Variants in LCN8 observed in about 807,000 individuals in gnomAD.
LCN8 encodes the protein epididymal-specific lipocalin-8.
In LCN8, 16 loss-of-function variants were observed where a neutral mutation model predicts 22.8. The ratio of observed to expected loss-of-function variants is 0.70; its 90% confidence interval spans 0.47 to 1.06. The LOEUF (loss-of-function observed/expected upper bound fraction) is 1.06. Ranked by LOEUF, LCN8 falls within the 50% of genes least tolerant of loss-of-function variation. LCN8 has a pLI of 0.00. For missense variants in LCN8, 189 were observed against 203.3 expected, an observed-to-expected ratio of 0.93 and a Z score of 0.43; for synonymous variants, 92 against 83.4, an observed-to-expected ratio of 1.10 and a Z score of -0.56.
chr9:136,757,817 G>T, intron 1 of LCN8, 90 bp downstream of exon 1: 2 of 1,608,750 alleles, frequency 1.2e-6, no homozygotes, highest in Non-Finnish European at 1.7e-6. Flanking sequence ...GCGTCCCCAC[G>T]AGCTCCCCAC....
chr9:136,757,605 T>TG, intron 1 of LCN8: 1 of 1,401,832 alleles, frequency 7.1e-7, no homozygotes, highest in South Asian at 1.6e-5. Context: ...CGCCAGAGGA[T>TG]GGGCCTCCTG....
Position 136,755,055 on chromosome 9 carries a change from C to T in LCN8, c.447+80G>A, listed in dbSNP as rs186034013. The T allele has an allele frequency of 8.4e-4, 1,216 of 1,447,638 alleles. 1 individual carries two copies. Among genetic ancestry groups the T allele is most frequent in the Admixed American group, 1.1e-3 (40 of 35,036 alleles). The allele number at this position is 1,447,638 out of a possible 1,614,324, so 89.7% of individuals were successfully genotyped here. A position where few individuals can be genotyped will look rare whatever the true frequency, so the allele number is the denominator to read the frequency against. ...AGCCCAGGGCCGGGAGGCGGAGCCA[C>T]GGGGGCTCCTGACAGGGCCAGGGAC... On this transcript the variant is annotated intron_variant, in intron 6 of 6. Transcript: ENST00000371688.
Position 136,755,160 on chromosome 9 carries a change from C to G in LCN8, c.422G>C (p.Gly141Ala). Residue 141 changes from glycine (G) to alanine (A), a missense_variant and splice_region_variant, in exon 6 of 7, where the codon GGG (glycine) becomes GCG (alanine). Coordinates refer to ENST00000371688, the MANE Select transcript of LCN8 (RefSeq NM_178469.4). ...DTGLYLAARP[G>A]RCAELLKEEL... is the part of the protein sequence containing the mutation. The stretch of plus-strand genomic sequence containing the variant: ...CTCCTTCAGGAGCTCGGCACACCGC[C>G]CTGCAGGATAGGCCAGCATGAGGAG... The G allele has an allele frequency of 6.3e-7, 1 of 1,597,450 alleles. No homozygotes were observed. Among genetic ancestry groups the G allele is most frequent in the Non-Finnish European group, 8.5e-7 (1 of 1,171,238 alleles).
At chr9:136,757,678 G>T in intron 1 of LCN8, 1 of 1,436,682 alleles carries the variant, frequency 7.0e-7, no homozygotes, top group Non-Finnish European at 9.1e-7. Context: ...TACCATTTTC[G>T]GGAGGAAAGA....
intron 1 of LCN8, chr9:136,757,502 A>G (rs2811736): frequency 0.8 from 1,077,284 of 1,346,518 alleles, 433,449 homozygotes; most frequent in East Asian, 0.87. Context: ...CCAGGAGCAG[A>G]GGCCTGGAAA....
upstream of LCN8, chr9:136,758,490 G>A (rs933167371): frequency 7.7e-5 from 76 of 991,938 alleles, no homozygotes; most frequent in Non-Finnish European, 8.5e-5. Flanking sequence ...GAGGCACAGC[G>A]CCAGCGACCA....
chr9:136,755,634 G>A (rs1847167241), intron 3 of LCN8, 118 bp from the exon 4 acceptor site: 1 of 1,523,030 alleles, frequency 6.6e-7, no homozygotes, highest in African/African-American at 1.4e-5. Context: ...TTGAGTGGTT[G>A]GAGACACTAC....
upstream of LCN8, chr9:136,758,293 C>G: frequency 1.7e-6 from 2 of 1,186,100 alleles, no homozygotes; most frequent in Non-Finnish European, 2.1e-6. Flanking sequence ...ACCCACACCA[C>G]CTGGGGCTCG....
At chr9:136,756,127 C>CACGGGGAACA (rs1847187389) in intron 3 of LCN8, 1 of 1,054,906 alleles carries the variant, frequency 9.5e-7, no homozygotes, top group African/African-American at 2.3e-5. Flanking sequence ...TGGGGAACAG[C>CACGGGGAACA]GCAGGGAACA....
At chr9:136,757,832 G>A in intron 1 of LCN8, 75 bp downstream of exon 1, 1 of 1,612,478 alleles carries the variant, frequency 6.2e-7, no homozygotes, top group South Asian at 1.1e-5. Context: ...CCCCACACCG[G>A]GAGAGGCCTC....
intron 3 of LCN8, chr9:136,756,213 T>TGGGGAACAGCGCAGGGAACAGCAA (rs1847192984): frequency 9.5e-7 from 1 of 1,056,572 alleles, no homozygotes; most frequent in African/African-American, 2.1e-5. Context: ...GGGAACAGCA[T>TGGGGAACAGCGCAGGGAACAGCAA]GGGGAACAGT....
chr9:136,757,507 T>C (rs12004931), intron 1 of LCN8: 182,454 of 1,344,606 alleles, frequency 0.14, 12,704 homozygotes, highest in Admixed American at 0.18. Flanking sequence ...AGCAGAGGCC[T>C]GGAAAAGAAA....
At position 136,755,425 on chromosome 9, in the gene LCN8, G is replaced by T; in HGVS notation, c.318C>A (p.Val106=). Residue 106 remains valine, a synonymous_variant, in exon 4 of 7, where the codon GTC becomes GTA. Transcript: ENST00000371688. ...SLMWRGRNFR[V]LKYFTRSLED... The stretch of plus-strand genomic sequence containing the variant: ...GGCCAAGCTTACTAAAGTACTTGAG[G>T]ACGCGAAAGTTCCTGCCCCGCCACA... 1 of 1,611,688 alleles carries T rather than the reference G, an allele frequency of 6.2e-7. No homozygotes were observed. Among genetic ancestry groups the T allele is most frequent in the South Asian group, 1.1e-5 (1 of 91,050 alleles).
chr9:136,754,717 G>C, intron 6 of LCN8: 3 of 1,406,790 alleles, frequency 2.1e-6, no homozygotes, highest in Non-Finnish European at 2.8e-6. Context: ...GAGACACTGG[G>C]TTCTCGCAGT....
intron 1 of LCN8, chr9:136,757,426 A>C (rs1847234545): frequency 7.1e-7 from 1 of 1,403,522 alleles, no homozygotes; most frequent in Non-Finnish European, 9.3e-7. Context: ...GCTGCGGAAC[A>C]GTCCCTAGGG....
At chr9:136,757,305 C>T (rs1278271156) in intron 1 of LCN8, 137 bp from the exon 2 acceptor site, 1 of 1,468,480 alleles carries the variant, frequency 6.8e-7, no homozygotes, top group African/African-American at 1.4e-5. Flanking sequence ...GGCAAAGCAG[C>T]AAGACATCTG....
At position 136,755,500 on chromosome 9, in the gene LCN8, G is replaced by T; in HGVS notation, c.243C>A (p.His81Gln). ...AGCCCTCGTAGTCGGTGTCCAGCACGTGGATCTCTCTGTGGCCTTCAAGAG... is the reference window on the plus strand; with the variant it reads ...AGCCCTCGTAGTCGGTGTCCAGCACTTGGATCTCTCTGTGGCCTTCAAGAG... ...KFAFPGHREI[H>Q]VLDTDYEGYA... Residue 81 changes from histidine to glutamine, a missense_variant, in exon 4 of 7, where the codon CAC becomes CAA. Coordinates refer to ENST00000371688, the MANE Select transcript of LCN8 (RefSeq NM_178469.4). 2 of 1,612,552 alleles carry T rather than the reference G, an allele frequency of 1.2e-6. No homozygotes were observed. Among genetic ancestry groups the T allele is most frequent in the South Asian group, 2.2e-5 (2 of 90,982 alleles).
Position 136,754,424 on chromosome 9 carries a change from T to C in LCN8, c.*74A>G. On this transcript the variant is annotated 3_prime_UTR_variant, in exon 7 of 7. Transcript: ENST00000371688. ...TTATTCAGAGCAGGTGCAGGTGACC[T>C]GGTGGGCAGGGTGCCCAGGAGGGGC... 3 of 1,353,136 alleles carry C rather than the reference T, an allele frequency of 2.2e-6. No individual in the cohort carries two copies. The African/African-American group carries it at 4.5e-5, about 20-fold the overall frequency. The allele number at this position is 1,353,136 out of a possible 1,614,324, so 83.8% of individuals were successfully genotyped here.
rs753536240 is a variant in LCN8 at position 136,757,534 on chromosome 9, G to A, written c.25-366C>T. 3.5e-4 allele frequency: 475 copies of A among 1,363,704 alleles called. No individual in the cohort carries two copies. In the Middle Eastern group the frequency reaches 3.6e-3, roughly 10 times the overall value. 84.5% of individuals were successfully genotyped at this position (1,363,704 alleles called of 1,614,324 possible). On this transcript the variant is annotated intron_variant, in intron 1 of 6. Transcript: ENST00000371688. ...GAAAAGAAAGCCCGCAGGGCGCGGC[G>A]GAGTGAGAAACGCCAGAGAACAGGT... is the stretch of plus-strand genomic sequence containing the variant.
Sources: allele counts gnomAD v4.1 joint callset, GRCh38; gene constraint gnomAD v4.1.1; transcripts MANE v1.5; gene names NCBI Gene and HGNC (gene_info 2026-07-23, HGNC 2026-07-21).